AGTPBP1: variants seen among roughly 807,000 people sequenced by gnomAD.
The protein encoded by AGTPBP1 is ATP/GTP binding carboxypeptidase 1, also known as cytosolic carboxypeptidase 1.
In AGTPBP1, 70 loss-of-function variants were observed where a neutral mutation model predicts 143.9. The ratio of observed to expected loss-of-function variants is 0.49; its 90% CI spans 0.40 to 0.59. AGTPBP1 has a LOEUF of 0.59. AGTPBP1 is among the 20% of genes least tolerant of loss of function. AGTPBP1 has a pLI of 0.00. For synonymous variants in AGTPBP1, 463 were observed against 500.2 expected (o/e 0.93, Z 0.99); for missense variants, 1,229 against 1,464.5 (o/e 0.84, Z 2.62).
chr9:85,638,119 T>TAAA (rs35514571), intron 13 of AGTPBP1, among the ~76,000 whole-genome samples: 3 of 151,134 alleles, frequency 2.0e-5, no homozygotes, highest in Admixed American at 6.6e-5. Context: ...TTATGTTTAG[T>TAAA]AAAAAAAAAG....
chr9:85,548,944 G>T lies in AGTPBP1; in HGVS notation c.3504-1658C>A, dbSNP rs180739550. 5.1e-3 allele frequency among the ~76,000 whole-genome samples: 780 copies of T among 152,164 alleles called. 4 individuals carry two copies. The highest frequency in any genetic ancestry group is 0.017 in the African/African-American group (721 of 41,504). On this transcript the variant is annotated intron_variant, in intron 25 of 25. Transcript: ENST00000357081. ...CCTGCCTTGGCCTCCCAAAGTGCTGGGATTACAGGTGTGAGCCACCACACC... is the reference window on the plus strand; with the variant it reads ...CCTGCCTTGGCCTCCCAAAGTGCTGTGATTACAGGTGTGAGCCACCACACC...
the AGTPBP1 span, chr9:85,756,112 A>T: frequency 1.9e-6 from 3 of 1,591,438 alleles, no homozygotes; most frequent in Non-Finnish European, 2.6e-6. Flanking sequence ...ATGAAGAAGT[A>T]GAGAAAGTTC....
At chr9:85,566,529 C>CAAAAGAA (rs1827110541) in intron 25 of AGTPBP1, among the ~76,000 whole-genome samples, 1 of 78,548 alleles carries the variant, frequency 1.3e-5, no homozygotes, top group African/African-American at 5.8e-5. Flanking sequence ...GACCATGTCT[C>CAAAAGAA]AAAAAAAAAA....
the AGTPBP1 span, among the ~76,000 whole-genome samples, chr9:85,764,542 A>G: frequency 1.3e-5 from 2 of 152,162 alleles, no homozygotes; most frequent in African/African-American, 4.8e-5. Flanking sequence ...AAAACAAAAA[A>G]AGAAAATGAA....
intron 1 of AGTPBP1, among the ~76,000 whole-genome samples, chr9:85,724,411 C>T (rs991282149): frequency 6.6e-6 from 1 of 151,802 alleles, no homozygotes; most frequent in African/African-American, 2.4e-5. Flanking sequence ...TACTGAATAA[C>T]CAGTTATATA....
chr9:85,708,111 A>G (rs964183543), intron 2 of AGTPBP1, among the ~76,000 whole-genome samples: 1 of 152,214 alleles, frequency 6.6e-6, no homozygotes, highest in Non-Finnish European at 1.5e-5. Context: ...GTTTTTCTAG[A>G]GGCTCTGAGG....
At chr9:85,726,509 T>G (rs1250541998) in intron 1 of AGTPBP1, among the ~76,000 whole-genome samples, 1 of 152,190 alleles carries the variant, frequency 6.6e-6, no homozygotes, top group East Asian at 1.9e-4. Context: ...AAAATTCCAG[T>G]AAGGTTGGTA....
chr9:85,650,389 A>T (rs920507037), intron 11 of AGTPBP1, among the ~76,000 whole-genome samples: 1 of 152,156 alleles, frequency 6.6e-6, no homozygotes, highest in Non-Finnish European at 1.5e-5. Context: ...GACAACAAGG[A>T]TGTAAACCTT....
chr9:85,761,971 G>A, the AGTPBP1 span, among the ~76,000 whole-genome samples: 86 of 152,204 alleles, frequency 5.7e-4, no homozygotes, highest in Admixed American at 1.6e-3. Context: ...GATATGAACA[G>A]AAGCTTCTCA....
At chr9:85,607,301 C>T (rs545697963) in intron 17 of AGTPBP1, among the ~76,000 whole-genome samples, 7 of 152,152 alleles carry the variant, frequency 4.6e-5, no homozygotes, top group African/African-American at 1.4e-4. Context: ...ATTATTATTA[C>T]ATTACATTTA....
chr9:85,798,787 C>T, the AGTPBP1 span, among the ~76,000 whole-genome samples: 2 of 152,034 alleles, frequency 1.3e-5, no homozygotes, highest in East Asian at 1.9e-4. Context: ...ATCTGGGCAT[C>T]GTGGCTCATG....
At chr9:85,607,507 T>G (rs117064879) in intron 17 of AGTPBP1, among the ~76,000 whole-genome samples, 2 of 152,230 alleles carry the variant, frequency 1.3e-5, no homozygotes, top group Non-Finnish European at 2.9e-5. Flanking sequence ...ATGGAAAGCC[T>G]ATATCTGAGC....
At chr9:85,660,200 G>C (rs1415380255) in intron 9 of AGTPBP1, among the ~76,000 whole-genome samples, 3 of 151,968 alleles carry the variant, frequency 2.0e-5, no homozygotes, top group Non-Finnish European at 4.4e-5. Flanking sequence ...AGGGTGGAGT[G>C]GGGTGGGGAC....
Position 85,656,615 on chromosome 9 carries a change from G to T in AGTPBP1, c.909+820C>A, listed in dbSNP as rs540459631. Among the ~76,000 whole-genome samples, 11 of 149,316 alleles carry T rather than the reference G, an allele frequency of 7.4e-5. No homozygotes were observed. In the South Asian group the frequency reaches 2.3e-3, roughly 32 times the overall value. ...AATTATAGCTTTCTTAAAAAAAAAA[G>T]AGAGGGGGTTGCATTGCAACATCCT... On this transcript the variant is annotated intron_variant, in intron 10 of 25. Coordinates refer to ENST00000357081, the MANE Select transcript of AGTPBP1 (RefSeq NM_001330701.2).
intron 2 of AGTPBP1, among the ~76,000 whole-genome samples, chr9:85,704,444 G>A (rs923115127): frequency 2.0e-5 from 3 of 152,180 alleles, no homozygotes; most frequent in South Asian, 2.1e-4. Flanking sequence ...AGGGAATTGT[G>A]TCTGATCCCA....
intron 17 of AGTPBP1, among the ~76,000 whole-genome samples, chr9:85,598,099 A>T (rs59413060): frequency 0.047 from 7,160 of 152,212 alleles, 605 homozygotes; most frequent in African/African-American, 0.16. Context: ...ACATATTTTT[A>T]AAAATTTCCC....
In AGTPBP1 at chr9:85,681,351, C is replaced by A; in HGVS notation, c.158-16G>T. ...CTTGTTTTTTCTGAAAAGTAGCAAA[C>A]AATTTTTTTCTCAAACATAAATTTT... is the stretch of plus-strand genomic sequence containing the variant. On this transcript the variant is annotated splice_polypyrimidine_tract_variant and intron_variant, in intron 3 of 25. Coordinates refer to ENST00000357081, the MANE Select transcript of AGTPBP1 (RefSeq NM_001330701.2). 3.1e-6 allele frequency: 5 copies of A among 1,606,140 alleles called. No homozygotes were observed. The highest frequency in any genetic ancestry group is 4.2e-6 in the Non-Finnish European group (5 of 1,177,252).
chr9:85,682,684 CA>C (rs1311720141), intron 3 of AGTPBP1, among the ~76,000 whole-genome samples: 1 of 152,132 alleles, frequency 6.6e-6, no homozygotes, highest in African/African-American at 2.4e-5. Flanking sequence ...TTCAATGTTC[CA>C]CATGGAGATA....
chr9:85,586,926 T>C lies in AGTPBP1; in HGVS notation c.2938A>G (p.Arg980Gly). 1.2e-6 allele frequency: 2 copies of C among 1,613,994 alleles called. No individual in the cohort carries two copies. The highest frequency in any genetic ancestry group is 1.7e-6 in the Non-Finnish European group (2 of 1,179,934). Residue 980 changes from arginine to glycine, a missense_variant, in exon 22 of 26, where the codon AGG becomes GGG. By Grantham distance (125) the Arg-to-Gly change is moderately radical (BLOSUM62 -2). Transcript: ENST00000357081. ...TCCGGACTTGGACTTTGCCACTGCC[T>C]ATTCAAATCCTCTCCACTTAAAGAA... is the stretch of plus-strand genomic sequence containing the variant. ...RCSLSGEDLN[R>G]QWQSPSPDLH...
Sources: allele counts gnomAD v4.1 joint callset (sites outside exome capture counted in the v4.1 genomes callset), GRCh38; gene constraint gnomAD v4.1.1; transcripts MANE v1.5; gene names NCBI Gene and HGNC (gene_info 2026-07-23, HGNC 2026-07-21).